Variants in CNTN4 observed in about 807,000 individuals in gnomAD.
The protein encoded by CNTN4 is contactin-4.
Under a neutral mutation model 122.5 loss-of-function variants are expected in CNTN4, and 77 were observed. The ratio of observed to expected loss-of-function variants is 0.63; its 90% CI spans 0.52 to 0.76. CNTN4 has a LOEUF of 0.76. Among genes scored for constraint, CNTN4 ranks in the 30% least tolerant of loss-of-function variants. The probability of loss-of-function intolerance (pLI) is 0.00; values close to 1 mark genes in which losing one functional copy is unlikely to be tolerated. For missense variants in CNTN4, 1,256 were observed against 1,259.1 expected (o/e 1.00, Z 0.04); for synonymous variants, 512 against 447.0 (o/e 1.15, Z -1.83).
chr3:2,922,678 T>C (rs2094440344), intron 12 of CNTN4, among the ~76,000 whole-genome samples: 1 of 143,040 alleles, frequency 7.0e-6, no homozygotes, highest in Non-Finnish European at 1.5e-5. Flanking sequence ...AGTGGCACGA[T>C]CTTGGCTCAC....
chr3:2,169,366 G>A (rs2036340272), intron 2 of CNTN4, among the ~76,000 whole-genome samples: 1 of 151,996 alleles, frequency 6.6e-6, no homozygotes, highest in Admixed American at 6.6e-5. Context: ...AAATCAAATC[G>A]ACATTCCCCA....
intron 4 of CNTN4, among the ~76,000 whole-genome samples, chr3:2,699,669 A>G (rs2086252551): frequency 6.6e-6 from 1 of 152,018 alleles, no homozygotes; most frequent in African/African-American, 2.4e-5. Flanking sequence ...AGGCACTTTT[A>G]TTTACTGGGT....
chr3:2,471,125 C>T (rs1271275156), intron 3 of CNTN4, among the ~76,000 whole-genome samples: 1 of 152,148 alleles, frequency 6.6e-6, no homozygotes, highest in Non-Finnish European at 1.5e-5. Flanking sequence ...CTAAAAAAAT[C>T]ACAGCACATT....
chr3:2,539,373 T>A (rs1454035873), intron 3 of CNTN4, among the ~76,000 whole-genome samples: 2 of 152,118 alleles, frequency 1.3e-5, no homozygotes, highest in African/African-American at 4.8e-5. Flanking sequence ...TGCAACCTAA[T>A]GCTTTGTCTT....
chr3:2,992,415 C>T (rs746887684), intron 14 of CNTN4, among the ~76,000 whole-genome samples: 3 of 152,208 alleles, frequency 2.0e-5, no homozygotes, highest in Non-Finnish European at 2.9e-5. Flanking sequence ...GACCTTTAAA[C>T]AAAAATGTGC....
At chr3:2,171,968 G>A (rs1029836955) in intron 2 of CNTN4, among the ~76,000 whole-genome samples, 2 of 152,232 alleles carry the variant, frequency 1.3e-5, no homozygotes, top group South Asian at 4.1e-4. Flanking sequence ...TCCTGACCTC[G>A]TGAATCAGAA....
chr3:2,554,363 T>A (rs957000468), intron 3 of CNTN4, among the ~76,000 whole-genome samples: 1 of 152,114 alleles, frequency 6.6e-6, no homozygotes, highest in African/African-American at 2.4e-5. Context: ...CCAAACATAC[T>A]TTGCTTAGTC....
chr3:2,634,924 A>C (rs946699795), intron 4 of CNTN4, among the ~76,000 whole-genome samples: 15 of 152,068 alleles, frequency 9.9e-5, no homozygotes, highest in African/African-American at 3.6e-4. Flanking sequence ...ATCTAAAAAA[A>C]AGAAATCCAG....
intron 13 of CNTN4, among the ~76,000 whole-genome samples, chr3:2,988,022 G>T (rs578121967): frequency 6.6e-6 from 1 of 152,076 alleles, no homozygotes; most frequent in Admixed American, 6.6e-5. Context: ...GTGATCTACC[G>T]TAAGCCTTCC....
intron 12 of CNTN4, among the ~76,000 whole-genome samples, chr3:2,917,237 C>T (rs1404741359): frequency 1.3e-5 from 2 of 151,656 alleles, no homozygotes; most frequent in African/African-American, 4.9e-5. Flanking sequence ...TCGCAGTGAG[C>T]CGAGATGGCA....
rs1700042203 is a variant in CNTN4 at position 3,040,368 on chromosome 3, A to T, written c.2398+97A>T. The T allele has an allele frequency of 2.0e-5, 18 of 897,134 alleles. No homozygotes were observed. In the South Asian group the frequency reaches 2.5e-4, roughly 12 times the overall value. The allele number at this position is 897,134 out of a possible 1,614,324, so 55.6% of individuals were successfully genotyped here. ...ACAATCAATTTCGCATGGTACATGTATCTTGAAGGCATACCTGATTTGAGA... is the reference window on the plus strand; with the variant it reads ...ACAATCAATTTCGCATGGTACATGTTTCTTGAAGGCATACCTGATTTGAGA... On this transcript the variant is annotated intron_variant, in intron 20 of 24. Transcript: ENST00000418658.
chr3:2,951,164 C>G (rs1049150374), intron 13 of CNTN4, among the ~76,000 whole-genome samples: 1 of 152,148 alleles, frequency 6.6e-6, no homozygotes, highest in Non-Finnish European at 1.5e-5. Flanking sequence ...AATCTTCCCT[C>G]TACTTTCAAA....
intron 13 of CNTN4, among the ~76,000 whole-genome samples, chr3:2,940,477 G>A (rs1160773363): frequency 1.3e-5 from 2 of 152,180 alleles, no homozygotes; most frequent in Non-Finnish European, 2.9e-5. Context: ...GTAAGGAATC[G>A]GAAGCTTAGA....
At chr3:2,977,023 G>T (rs1011127636) in intron 13 of CNTN4, among the ~76,000 whole-genome samples, 2 of 152,184 alleles carry the variant, frequency 1.3e-5, no homozygotes, top group South Asian at 2.1e-4. Context: ...CCGTATGTCA[G>T]CTCTTGCAGT....
intron 2 of CNTN4, among the ~76,000 whole-genome samples, chr3:2,149,353 G>T (rs2035393899): frequency 6.6e-6 from 1 of 152,070 alleles, no homozygotes; most frequent in Non-Finnish European, 1.5e-5. Flanking sequence ...ATGAGGGTAA[G>T]TTCAATGGCA....
intron 2 of CNTN4, among the ~76,000 whole-genome samples, chr3:2,285,803 G>GT (rs1397396706): frequency 6.6e-6 from 1 of 151,990 alleles, no homozygotes; most frequent in Non-Finnish European, 1.5e-5. Context: ...TTCTCACACT[G>GT]TTTTATGGCC....
At position 2,925,789 on chromosome 3, in the gene CNTN4, T is replaced by C. The variant is rs1577296900; in HGVS notation, c.1358+10T>C. The C allele has an allele frequency of 6.2e-7, 1 of 1,606,092 alleles. No homozygotes were observed. Among genetic ancestry groups the C allele is most frequent in the East Asian group, 2.2e-5 (1 of 44,810 alleles). On this transcript the variant is annotated intron_variant, in intron 13 of 24. Transcript: ENST00000418658. ...TAAAAGAAAATGAAAGGTACTGTCT[T>C]GAATTATTTTCAATATTTGGTTAAC...
rs114044680 is a variant in CNTN4 at position 2,618,564 on chromosome 3, C to T, written c.55+47006C>T. On this transcript the variant is annotated intron_variant, in intron 4 of 24. Coordinates refer to ENST00000418658, the MANE Select transcript of CNTN4 (RefSeq NM_175607.3). ...ATGAAATAGGTATATTGATCCTATT[C>T]CAGAAACTAAGAAACTGAGCCTCAT... 5.6e-3 allele frequency among the ~76,000 whole-genome samples: 851 copies of T among 152,196 alleles called. 7 individuals are homozygous for T. The highest frequency in any genetic ancestry group is 0.02 in the African/African-American group (813 of 41,528).
chr3:2,845,516 T>C (rs2093441371), intron 7 of CNTN4, among the ~76,000 whole-genome samples: 1 of 152,210 alleles, frequency 6.6e-6, no homozygotes, highest in Admixed American at 6.5e-5. Context: ...GACATACATA[T>C]GGCATTACTT....
Sources: allele counts gnomAD v4.1 joint callset (sites outside exome capture counted in the v4.1 genomes callset), GRCh38; gene constraint gnomAD v4.1.1; transcripts MANE v1.5; gene names NCBI Gene and HGNC (gene_info 2026-07-23, HGNC 2026-07-21).